Variants in ERICH3 observed in about 807,000 individuals in gnomAD.
ERICH3 encodes the protein glutamate-rich protein 3.
Under a neutral mutation model 131.1 loss-of-function variants are expected in ERICH3, and 126 were observed. The ratio of observed to expected loss-of-function variants is 0.96; its 90% confidence interval spans 0.83 to 1.11. The LOEUF (loss-of-function observed/expected upper bound fraction) is 1.11. ERICH3 is among the 50% of genes most tolerant of loss of function. ERICH3 has a pLI of 0.00. For missense variants in ERICH3, 2,050 were observed against 1,810.7 expected (o/e 1.13, Z -2.40); for synonymous variants, 695 against 644.6 (o/e 1.08, Z -1.18).
intron 1 of ERICH3, among the ~76,000 whole-genome samples, chr1:74,652,946 T>G (rs529930641): frequency 4.2e-4 from 64 of 152,194 alleles, no homozygotes; most frequent in African/African-American, 1.5e-3. Flanking sequence ...CAGAGCAACC[T>G]TGTCTCCATG....
intron 12 of ERICH3, chr1:74,579,272 A>C (rs988940429): frequency 1.2e-4 from 63 of 521,258 alleles, no homozygotes; most frequent in Admixed American, 8.9e-4. Context: ...AGCTTTTTCC[A>C]AGTAGTCCAC....
At chr1:74,647,958 T>G (rs756771193) in intron 2 of ERICH3, among the ~76,000 whole-genome samples, 1 of 152,138 alleles carries the variant, frequency 6.6e-6, no homozygotes, top group Non-Finnish European at 1.5e-5. Context: ...TGGAAGCTCC[T>G]ATAGGGCAAA....
chr1:74,589,781 C>T lies in ERICH3; in HGVS notation c.2026G>A (p.Gly676Arg). The T allele has an allele frequency of 6.2e-7, 1 of 1,614,092 alleles. No homozygotes were observed. Among genetic ancestry groups the T allele is most frequent in the Non-Finnish European group, 8.5e-7 (1 of 1,179,960 alleles). ...ENVLKEGTEK[G>R]TQEIAEGLSE... ...AAACCCTCTGCAATCTCTTGGGTTC[C>T]TTTCTCCGTTCCTTCTTTAAGAACA... The change falls in exon 12 of 15, where the codon GGA (glycine) becomes AGA (arginine). Residue 676 changes from glycine (G) to arginine (R), a missense_variant. Gly to Arg is a moderately radical substitution (Grantham distance 125). Transcript: ENST00000326665.
rs542247527 is a variant in ERICH3, at chr1:74,570,343, A to G, written c.*115T>C. Reference sequence around the variant, plus strand: ...TCATCTCAGACAAGCGCAACCAGCAACTAAAGAGGAGAGAGAGAAAATCAA... The same window carrying G: ...TCATCTCAGACAAGCGCAACCAGCAGCTAAAGAGGAGAGAGAGAAAATCAA... On this transcript the variant is annotated 3_prime_UTR_variant, in exon 15 of 15. Transcript: ENST00000326665. The G allele has an allele frequency of 6.6e-6, 1 of 152,354 alleles. No homozygotes were observed. Among genetic ancestry groups the G allele is most frequent in the Admixed American group, 6.5e-5 (1 of 15,290 alleles). 9.4% of individuals were successfully genotyped at this position (152,354 alleles called of 1,614,324 possible). A position where few individuals can be genotyped will look rare whatever the true frequency, so the allele number is the denominator to read the frequency against.
At chr1:74,597,441 T>C (rs902574389) in intron 11 of ERICH3, among the ~76,000 whole-genome samples, 1 of 151,774 alleles carries the variant, frequency 6.6e-6, no homozygotes, top group African/African-American at 2.4e-5. Flanking sequence ...CAAAAGAAAA[T>C]AGCTAGCCAA....
At chr1:74,668,556 T>C (rs1646712528) in intron 1 of ERICH3, among the ~76,000 whole-genome samples, 1 of 152,206 alleles carries the variant, frequency 6.6e-6, no homozygotes, top group African/African-American at 2.4e-5. Flanking sequence ...GTCTGATCAC[T>C]ATGTGATTTT....
At position 74,599,811 on chromosome 1, in the gene ERICH3, T is replaced by A. The variant is rs1358176618; in HGVS notation, c.1610A>T (p.Asn537Ile). ...TTCACTCTCTTTTTCAGGGTCTAAA[T>A]TATCTTTTTTATCATCCAAAGGTGA... ...PQSPLDDKKDNLDPEKESETS... is the reference protein window; with the variant it reads ...PQSPLDDKKDILDPEKESETS... The change falls in exon 11 of 15, where the codon AAT becomes ATT. Residue 537 changes from asparagine (N) to isoleucine (I), a missense_variant. By Grantham distance (149) the Asn-to-Ile change is moderately radical. Transcript: ENST00000326665. 2 of 1,612,304 alleles carry A rather than the reference T, an allele frequency of 1.2e-6. No individual in the cohort carries two copies. The highest frequency in any genetic ancestry group is 2.7e-5 in the African/African-American group (2 of 74,768).
At chr1:74,664,341 C>A (rs1008029394) in intron 1 of ERICH3, among the ~76,000 whole-genome samples, 2 of 151,088 alleles carry the variant, frequency 1.3e-5, no homozygotes, top group Admixed American at 1.3e-4. Context: ...TCCCTAGTAC[C>A]CAGAAAGTTG....
intron 9 of ERICH3, among the ~76,000 whole-genome samples, chr1:74,607,600 T>C (rs892266586): frequency 2.6e-5 from 4 of 151,972 alleles, no homozygotes; most frequent in African/African-American, 9.7e-5. Context: ...TGCACTACAG[T>C]CTTCTGGTGA....
intron 7 of ERICH3, 35 bp from the exon 8 acceptor site, chr1:74,620,949 A>C: frequency 6.9e-7 from 1 of 1,453,828 alleles, no homozygotes; most frequent in Non-Finnish European, 9.2e-7. Context: ...TTATTAACGA[A>C]TTACTTTCTA....
intron 7 of ERICH3, chr1:74,625,478 C>G (rs520307): frequency 5.5e-4 from 84 of 152,226 alleles, no homozygotes; most frequent in African/African-American, 1.9e-3. Flanking sequence ...ATTTCAAATG[C>G]CACCTTCTCT....
At chr1:74,641,226 G>T in intron 5 of ERICH3, 105 bp downstream of exon 5, 1 of 1,290,960 alleles carries the variant, frequency 7.7e-7, no homozygotes, top group Non-Finnish European at 1.1e-6. Context: ...AGTAGGACTG[G>T]CAGCATTACG....
chr1:74,630,921 C>A (rs753128599), intron 7 of ERICH3, among the ~76,000 whole-genome samples: 33 of 151,932 alleles, frequency 2.2e-4, no homozygotes, highest in Non-Finnish European at 2.1e-4. Context: ...TTCAAGCAAG[C>A]AGGAAGAAGA....
At chr1:74,658,519 T>C (rs1028405879) in intron 1 of ERICH3, among the ~76,000 whole-genome samples, 2 of 151,868 alleles carry the variant, frequency 1.3e-5, no homozygotes, top group African/African-American at 4.9e-5. Context: ...AGGTGGGTTC[T>C]GCCAGCAATT....
At chr1:74,656,540 C>A (rs1417345478) in intron 1 of ERICH3, among the ~76,000 whole-genome samples, 1 of 152,198 alleles carries the variant, frequency 6.6e-6, no homozygotes, top group East Asian at 1.9e-4. Flanking sequence ...TTATAAGATA[C>A]ATGACCCTCA....
chr1:74,598,194 A>T (rs1415880312), intron 11 of ERICH3, among the ~76,000 whole-genome samples: 1 of 151,886 alleles, frequency 6.6e-6, no homozygotes, highest in African/African-American at 2.4e-5. Flanking sequence ...ATGCTAAGGT[A>T]TGTGTGAAAA....
intron 10 of ERICH3, among the ~76,000 whole-genome samples, chr1:74,606,124 G>T (rs531744736): frequency 6.6e-6 from 1 of 151,394 alleles, no homozygotes; most frequent in South Asian, 2.1e-4. Flanking sequence ...GAAAGCAAAA[G>T]AAAAAAAGCA....
At chr1:74,622,789 C>G (rs1166078373) in intron 7 of ERICH3, 6 of 152,142 alleles carry the variant, frequency 3.9e-5, no homozygotes, top group African/African-American at 1.2e-4. Context: ...GAGAAAAATA[C>G]AGGAAAAGGC....
chr1:74,578,779 C>A (rs549784710), intron 12 of ERICH3, among the ~76,000 whole-genome samples: 8 of 151,884 alleles, frequency 5.3e-5, no homozygotes, highest in Admixed American at 1.3e-4. Flanking sequence ...GAAAACAGAA[C>A]TGGAATGCAG....
Sources: allele counts gnomAD v4.1 joint callset (sites outside exome capture counted in the v4.1 genomes callset), GRCh38; gene constraint gnomAD v4.1.1; transcripts MANE v1.5; gene names NCBI Gene and HGNC (gene_info 2026-07-23, HGNC 2026-07-21).